SRRM2: variants seen among roughly 807,000 people sequenced by gnomAD.
SRRM2 encodes the protein serine/arginine repetitive matrix protein 2.
A neutral mutation model predicts 213.8 loss-of-function variants in SRRM2; 30 were observed. The ratio of observed to expected loss-of-function variants is 0.14; its 90% CI spans 0.10 to 0.19. The LOEUF (loss-of-function observed/expected upper bound fraction) is 0.19. SRRM2 is among the 10% of genes least tolerant of loss of function. The probability of loss-of-function intolerance (pLI) is 1.00; values close to 1 mark genes in which losing one functional copy is unlikely to be tolerated. For missense variants in SRRM2, 4,904 were observed against 3,647.0 expected, an observed-to-expected ratio of 1.34 and a Z score of -8.88; for synonymous variants, 2,025 against 1,377.7, an observed-to-expected ratio of 1.47 and a Z score of -10.40.
At position 2,771,012 on chromosome 16, in the gene SRRM2, C is replaced by CTT. The variant is rs372487257; in HGVS notation, c.*154_*155dup. 156 of 651,460 alleles carry CTT rather than the reference C, an allele frequency of 2.4e-4. No homozygotes were observed. Among genetic ancestry groups the CTT allele is most frequent in the Middle Eastern group, 5.5e-4 (1 of 1,822 alleles). The allele number at this position is 651,460 out of a possible 1,614,324, so 40.4% of individuals were successfully genotyped here. A position where few individuals can be genotyped will look rare whatever the true frequency, so the allele number is the denominator to read the frequency against. On this transcript the variant is annotated 3_prime_UTR_variant, in exon 15 of 15. Coordinates refer to ENST00000301740, the MANE Select transcript of SRRM2 (RefSeq NM_016333.4). ...GGATGGAGGGCTCCCTTTCCCTCCC[C>CTT]TTTTTTTTTTCTTTGTTCCTGTGAA...
Position 2,762,632 on chromosome 16 carries a change from T to C in SRRM2, c.2104T>C (p.Ser702Pro), listed in dbSNP as rs758541708. ...GTCTAGGACACCAAGACGAGGAAGATCCCGCAGTAGAAGCTTAGTTAGACG... is the reference window on the plus strand; with the variant it reads ...GTCTAGGACACCAAGACGAGGAAGACCCCGCAGTAGAAGCTTAGTTAGACG... Reference protein sequence around the residue: ...SRSRTPRRGRSRSRSLVRRGR... With the variant: ...SRSRTPRRGRPRSRSLVRRGR... Residue 702 changes from serine (S) to proline (P), a missense_variant, in exon 11 of 15, where the codon TCC (serine) becomes CCC (proline). Coordinates refer to ENST00000301740, the MANE Select transcript of SRRM2 (RefSeq NM_016333.4). The C allele has an allele frequency of 6.2e-7, 1 of 1,613,798 alleles. No individual in the cohort carries two copies.
chr16:2,754,976 G>C (rs141672811), intron 1 of SRRM2, among the ~76,000 whole-genome samples: 249 of 152,244 alleles, frequency 1.6e-3, no homozygotes, highest in African/African-American at 5.8e-3. Context: ...ACATTTGTAT[G>C]ATGCTTCTTC....
Position 2,762,981 on chromosome 16 carries a change from G to C in SRRM2, c.2453G>C (p.Ser818Thr), listed in dbSNP as rs1044639626. The C allele has an allele frequency of 1.2e-6, 2 of 1,613,946 alleles. No homozygotes were observed. The highest frequency in any genetic ancestry group is 2.7e-5 in the African/African-American group (2 of 74,862). The change falls in exon 11 of 15, where the codon AGT becomes ACT. Residue 818 changes from serine to threonine, a missense_variant. Transcript: ENST00000301740. ...SRTPPRRSRSSSSPPPKQKSK... is the reference protein window; with the variant it reads ...SRTPPRRSRSTSSPPPKQKSK... ...ACGCCACCCAGACGCAGTCGCTCCA[G>C]TTCTTCTCCGCCACCTAAACAGAAA...
rs762446671 is a variant in SRRM2, at chr16:2,763,125, C to G, written c.2597C>G (p.Thr866Arg). 1.2e-6 allele frequency: 2 copies of G among 1,614,144 alleles called. No homozygotes were observed. Among genetic ancestry groups the G allele is most frequent in the Non-Finnish European group, 1.7e-6 (2 of 1,180,028 alleles). Reference protein sequence around the residue: ...TSPQANEQSVTPQRRSCFESS... With the variant: ...TSPQANEQSVRPQRRSCFESS... Reference sequence around the variant, plus strand: ...CCCCAGGCCAATGAGCAATCTGTAACGCCACAGAGACGGAGCTGTTTTGAA... The same window carrying G: ...CCCCAGGCCAATGAGCAATCTGTAAGGCCACAGAGACGGAGCTGTTTTGAA... The change falls in exon 11 of 15, where the codon ACG becomes AGG. Residue 866 changes from threonine (T) to arginine (R), a missense_variant. Thr to Arg is a moderately conservative substitution (Grantham distance 71). Transcript: ENST00000301740.
In SRRM2 at chr16:2,765,891, G is replaced by A. The variant is rs1567238422; in HGVS notation, c.5363G>A (p.Arg1788Gln). ...RREKTRTTRRRDRSGSSQSTS... is the reference protein window; with the variant it reads ...RREKTRTTRRQDRSGSSQSTS... ...GAGAAAACAAGAACAACCCGACGTC[G>A]AGATAGGTCTGGATCTTCTCAGTCA... The change falls in exon 11 of 15, where the codon CGA (arginine) becomes CAA (glutamine). Residue 1788 changes from arginine (R) to glutamine (Q), a missense_variant. By Grantham distance (43) the Arg-to-Gln change is conservative. Coordinates refer to ENST00000301740, the MANE Select transcript of SRRM2 (RefSeq NM_016333.4). 13 of 1,614,156 alleles carry A rather than the reference G, an allele frequency of 8.1e-6. No individual in the cohort carries two copies. The South Asian group carries it at 9.9e-5, about 12-fold the overall frequency.
intron 10 of SRRM2, chr16:2,760,737 T>A: frequency 3.9e-6 from 2 of 507,864 alleles, no homozygotes; most frequent in South Asian, 2.3e-5. Flanking sequence ...TTGTGTCTTG[T>A]TTATACATAG....
In SRRM2 at chr16:2,763,211, T is replaced by TC; in HGVS notation, c.2684dup (p.Pro896SerfsTer3). The TC allele has an allele frequency of 6.2e-7, 1 of 1,613,998 alleles. No individual in the cohort carries two copies. Among genetic ancestry groups the TC allele is most frequent in the Non-Finnish European group, 8.5e-7 (1 of 1,179,998 alleles). The stretch of plus-strand genomic sequence containing the variant: ...TTCTAGACATAGCTGCTCAGGGTCC[T>TC]CTCCTCCTAGAGTGAAATCTAGCAC... On this transcript the variant is annotated frameshift_variant, in exon 11 of 15. Coordinates refer to ENST00000301740, the MANE Select transcript of SRRM2 (RefSeq NM_016333.4). LOFTEE classifies it high-confidence loss of function.
At position 2,761,635 on chromosome 16, in the gene SRRM2, C is replaced by T. The variant is rs1414662197; in HGVS notation, c.1107C>T (p.Leu369=). ...CAGAACCACCTGCTCCCACTCCGCT[C>T]CTTGCTGAGCGACATGGCGGCTCCC... The part of the protein sequence containing the change: ...TGPEPPAPTP[L]LAERHGGSPQ... The change falls in exon 11 of 15, where the codon CTC becomes CTT. Residue 369 remains leucine (L), a synonymous_variant. Coordinates refer to ENST00000301740, the MANE Select transcript of SRRM2 (RefSeq NM_016333.4). 4 of 1,579,030 alleles carry T rather than the reference C, an allele frequency of 2.5e-6. No homozygotes were observed. The East Asian group carries it at 6.7e-5, about 26-fold the overall frequency.
rs776637620 is a variant in SRRM2, at chr16:2,771,306, G to GA, written c.*441dup. ...TCCCTACTGTCCCCCATGAGGTTGTGAACCCCTCCCCCCAACTTTTCATGT... is the reference window on the plus strand; with the variant it reads ...TCCCTACTGTCCCCCATGAGGTTGTGAAACCCCTCCCCCCAACTTTTCATGT... On this transcript the variant is annotated 3_prime_UTR_variant, in exon 15 of 15. Coordinates refer to ENST00000301740, the MANE Select transcript of SRRM2 (RefSeq NM_016333.4). 1 of 1,148,264 alleles carries GA rather than the reference G, an allele frequency of 8.7e-7. No homozygotes were observed. The highest frequency in any genetic ancestry group is 1.5e-5 in the African/African-American group (1 of 65,992). 71.1% of individuals were successfully genotyped at this position (1,148,264 alleles called of 1,614,324 possible). A position where few individuals can be genotyped will look rare whatever the true frequency, so the allele number is the denominator to read the frequency against.
At chr16:2,758,075 CA>C in intron 4 of SRRM2, 130 bp downstream of exon 4, 12 of 1,216,126 alleles carry the variant, frequency 9.9e-6, no homozygotes, top group Admixed American at 4.8e-5. Context: ...TTGAGGTGTC[CA>C]AAAAAATGTG....
Position 2,766,893 on chromosome 16 carries a change from T to C in SRRM2, c.6365T>C (p.Met2122Thr). ...SRMSCFSRPS[M>T]SPTPLDRCRS... ...ATGAGCTGCTTCAGTCGTCCTAGCA[T>C]GTCCCCAACACCTCTTGATCGCTGC... Residue 2122 changes from methionine to threonine, a missense_variant, in exon 11 of 15, where the codon ATG becomes ACG. Physicochemically the swap from Met to Thr is moderately conservative, Grantham distance 81. Transcript: ENST00000301740. This position sits in a 1 kb window ranked among gnomAD's most constrained non-coding sequence, Gnocchi z 7.0. 1 of 1,614,150 alleles carries C rather than the reference T, an allele frequency of 6.2e-7. No individual in the cohort carries two copies. The highest frequency in any genetic ancestry group is 1.1e-5 in the South Asian group (1 of 91,088).
Position 2,763,617 on chromosome 16 carries a change from C to CA in SRRM2, c.3089_3090insA (p.Gly1031TrpfsTer12). 2.0e-5 allele frequency: 32 copies of CA among 1,614,138 alleles called. No homozygotes were observed. Among genetic ancestry groups the CA allele is most frequent in the Non-Finnish European group, 2.6e-5 (31 of 1,180,044 alleles). ...AAAGACTCACTAGTTCAAAGTTGCCCTGGATCCCTCTCTCTCTGTGCAGGA... is the reference window on the plus strand; with the variant it reads ...AAAGACTCACTAGTTCAAAGTTGCCCATGGATCCCTCTCTCTCTGTGCAGGA... On this transcript the variant is annotated frameshift_variant, in exon 11 of 15. Coordinates refer to ENST00000301740, the MANE Select transcript of SRRM2 (RefSeq NM_016333.4). LOFTEE classifies it high-confidence loss of function.
rs1051434579 is a variant in SRRM2 at position 2,766,145 on chromosome 16, C to T, written c.5617C>T (p.His1873Tyr). 2.5e-6 allele frequency: 4 copies of T among 1,614,088 alleles called. No individual in the cohort carries two copies. In the African/African-American group the frequency reaches 4.0e-5, roughly 16 times the overall value. ...RSRSRASPAT[H>Y]RRSRSRTPLI... The stretch of plus-strand genomic sequence containing the variant: ...TAGATCTCGAGCCTCTCCAGCCACT[C>T]ACCGGCGATCCAGGTCCAGAACCCC... The change falls in exon 11 of 15, where the codon CAC (histidine) becomes TAC (tyrosine). Residue 1873 changes from histidine (H) to tyrosine (Y), a missense_variant. By Grantham distance (83) the His-to-Tyr change is moderately conservative (BLOSUM62 2). Transcript: ENST00000301740. This position sits in a 1 kb window ranked among gnomAD's most constrained non-coding sequence, Gnocchi z 7.0.
intron 1 of SRRM2, among the ~76,000 whole-genome samples, chr16:2,755,638 T>C (rs1484242359): frequency 3.3e-5 from 5 of 152,170 alleles, no homozygotes; most frequent in Non-Finnish European, 5.9e-5. Flanking sequence ...ATCAAGGAAA[T>C]GGCCCTTACC....
Position 2,767,734 on chromosome 16 carries a change from T to C in SRRM2, c.7206T>C (p.Leu2402=), listed in dbSNP as rs376396399. 3.8e-5 allele frequency: 61 copies of C among 1,613,492 alleles called. No homozygotes were observed. In the African/African-American group the frequency reaches 8.0e-4, roughly 21 times the overall value. Residue 2402 remains leucine, a synonymous_variant, in exon 11 of 15, where the codon CTT becomes CTC. Transcript: ENST00000301740. ...RVSGRTSPPL[L]DRARSRTPPS... ...GTGGCAGAACCTCACCACCGCTCCT[T>C]GACCGAGCTAGGTCCAGAACACCAC...
In SRRM2 at chr16:2,762,683, CAAA is replaced by C. The variant is rs753534479; in HGVS notation, c.2156_2158del (p.Gln719del). On this transcript the variant is annotated inframe_deletion, in exon 11 of 15. Transcript: ENST00000301740. ...TGGAAGATCTCACTCTAGAACACCT[CAAA>C]GAAGAGGCAGATCTGGCTCATCTTC... 48 of 1,614,058 alleles carry C rather than the reference CAAA, an allele frequency of 3.0e-5. No homozygotes were observed. Among genetic ancestry groups the C allele is most frequent in the Non-Finnish European group, 3.6e-5 (42 of 1,180,034 alleles).
chr16:2,755,316 G>A (rs1238555689), intron 1 of SRRM2, among the ~76,000 whole-genome samples: 1 of 152,176 alleles, frequency 6.6e-6, no homozygotes, highest in African/African-American at 2.4e-5. Context: ...AAGAGGCAGG[G>A]CTGAGAGAGA....
chr16:2,758,318 C>G, intron 4 of SRRM2, 152 bp from the exon 5 acceptor site: 1 of 727,266 alleles, frequency 1.4e-6, no homozygotes, highest in Admixed American at 2.2e-5. Context: ...ACGGTGTGAG[C>G]TGTGTTGCTG....
At position 2,766,352 on chromosome 16, in the gene SRRM2, A is replaced by G. The variant is rs759726295; in HGVS notation, c.5824A>G (p.Thr1942Ala). The change falls in exon 11 of 15, where the codon ACA becomes GCA. Residue 1942 changes from threonine (T) to alanine (A), a missense_variant. Coordinates refer to ENST00000301740, the MANE Select transcript of SRRM2 (RefSeq NM_016333.4). The surrounding 1 kb of genome is among the most constrained non-coding windows in gnomAD (Gnocchi z 7.0). ...TCGTTCAAGGTCTAGAACGCCAACA[A>G]CACGCCGCCGCTCCCGTTCTAGAAC... is the stretch of plus-strand genomic sequence containing the variant. ...RRRSRSRTPT[T>A]RRRSRSRTPP... 1.3e-5 allele frequency: 21 copies of G among 1,613,980 alleles called. No homozygotes were observed. In the African/African-American group the frequency reaches 2.4e-4, roughly 18 times the overall value.
Sources: gnomAD v4.1 joint callset for allele counts (sites outside exome capture counted in the v4.1 genomes callset) on GRCh38, gnomAD v4.1.1 for gene constraint, Gnocchi (gnomAD v3.1) non-coding constraint, MANE v1.5 for transcripts, NCBI Gene and HGNC (gene_info 2026-07-23, HGNC 2026-07-21) for gene names.